The following KCNAB1 variants were observed in gnomAD, a reference collection of about 807,000 sequenced individuals.
KCNAB1 encodes potassium voltage-gated channel subfamily A regulatory beta subunit 1.
KCNAB1 carries 35 observed loss-of-function variants against 64.6 expected under a neutral mutation model. That is an observed-to-expected ratio of 0.54 (90% CI 0.41 to 0.72). KCNAB1 has a LOEUF of 0.72. Ranked by LOEUF, KCNAB1 falls within the 30% of genes least tolerant of loss-of-function variation. The pLI is 0.00. For synonymous variants in KCNAB1, 177 were observed against 183.8 expected (o/e 0.96, Z 0.30); for missense variants, 401 against 512.9 (o/e 0.78, Z 2.11).
chr3:156,191,761 C>T (rs922236029), intron 1 of KCNAB1, among the ~76,000 whole-genome samples: 4 of 152,074 alleles, frequency 2.6e-5, no homozygotes, highest in Non-Finnish European at 5.9e-5. Context: ...TTGCTTTTGC[C>T]GCATTTTTAC....
intron 1 of KCNAB1, among the ~76,000 whole-genome samples, chr3:156,403,351 A>G (rs1714033757): frequency 6.6e-6 from 1 of 152,240 alleles, no homozygotes; most frequent in Admixed American, 6.5e-5. Flanking sequence ...ACAAGCACTA[A>G]GTCTGAGATT....
At position 156,483,457 on chromosome 3, in the gene KCNAB1, C is replaced by A. The variant is rs372673960; in HGVS notation, c.658+8637C>A. 4.6e-5 allele frequency among the ~76,000 whole-genome samples: 7 copies of A among 152,190 alleles called. No homozygotes were observed. The South Asian group carries it at 1.0e-3, about 23-fold the overall frequency. On this transcript the variant is annotated intron_variant, in intron 8 of 13. Coordinates refer to ENST00000490337, the MANE Select transcript of KCNAB1 (RefSeq NM_172160.3). The stretch of plus-strand genomic sequence containing the variant: ...TATGGATATGTTGTCAATATCACCT[C>A]TTTCCATTCCTCCCTCCTATCTGTG...
chr3:156,413,627 A>G (rs965349156), intron 1 of KCNAB1, among the ~76,000 whole-genome samples: 2 of 152,218 alleles, frequency 1.3e-5, no homozygotes, highest in Non-Finnish European at 2.9e-5. Flanking sequence ...GCTGCATTTC[A>G]CCACTGCACT....
chr3:156,335,307 T>C (rs1723614171), intron 1 of KCNAB1, among the ~76,000 whole-genome samples: 1 of 152,200 alleles, frequency 6.6e-6, no homozygotes, highest in Non-Finnish European at 1.5e-5. Flanking sequence ...ACCCTCCCCT[T>C]TGCCCTCTGT....
At chr3:156,328,538 A>C (rs572414552) in intron 1 of KCNAB1, among the ~76,000 whole-genome samples, 2 of 152,284 alleles carry the variant, frequency 1.3e-5, no homozygotes, top group South Asian at 4.1e-4. Flanking sequence ...GGGTCACCCT[A>C]TCCTGTAGTT....
intron 1 of KCNAB1, among the ~76,000 whole-genome samples, chr3:156,206,576 G>A (rs2108387100): frequency 6.6e-6 from 1 of 152,302 alleles, no homozygotes; most frequent in Middle Eastern, 3.4e-3. Context: ...CTCTTCATGA[G>A]CCAAAAACAA....
intron 8 of KCNAB1, among the ~76,000 whole-genome samples, chr3:156,495,627 C>T (rs527360529): frequency 6.6e-6 from 1 of 152,316 alleles, no homozygotes; most frequent in Admixed American, 6.5e-5. Context: ...ATCCCAGCTC[C>T]ATCACTTACT....
At chr3:156,342,223 A>G (rs527526044) in intron 1 of KCNAB1, among the ~76,000 whole-genome samples, 1 of 152,300 alleles carries the variant, frequency 6.6e-6, no homozygotes, top group East Asian at 1.9e-4. Flanking sequence ...CGCCACCTCA[A>G]CCACAGGTGG....
chr3:156,395,417 C>T (rs969352489), intron 1 of KCNAB1, among the ~76,000 whole-genome samples: 2 of 147,912 alleles, frequency 1.4e-5, no homozygotes, highest in Admixed American at 1.3e-4. Flanking sequence ...TAGTGGCGGG[C>T]GCCTGTAGTC....
At chr3:156,353,055 T>C (rs1044560722) in intron 1 of KCNAB1, among the ~76,000 whole-genome samples, 2 of 152,244 alleles carry the variant, frequency 1.3e-5, no homozygotes, top group Admixed American at 1.3e-4. Context: ...CTTAGATTAT[T>C]GTAGCACATA....
intron 1 of KCNAB1, among the ~76,000 whole-genome samples, chr3:156,189,656 A>G (rs1020666694): frequency 2.0e-5 from 3 of 152,198 alleles, no homozygotes; most frequent in African/African-American, 7.2e-5. Context: ...GTGTGGTTAA[A>G]TAAATGTGGC....
intron 1 of KCNAB1, among the ~76,000 whole-genome samples, chr3:156,404,127 G>A (rs1049599489): frequency 2.6e-5 from 4 of 152,088 alleles, no homozygotes; most frequent in African/African-American, 9.7e-5. Context: ...CGTGTATATT[G>A]GAGTTTAAAG....
At chr3:156,455,713 T>A (rs73873385) in intron 3 of KCNAB1, among the ~76,000 whole-genome samples, 19,607 of 152,112 alleles carry the variant, frequency 0.13, 1,713 homozygotes, top group African/African-American at 0.25. Context: ...CGCCTCAGTC[T>A]GTGACTCCCA....
At chr3:156,155,147 C>T (rs1242300693) in intron 1 of KCNAB1, among the ~76,000 whole-genome samples, 1 of 152,152 alleles carries the variant, frequency 6.6e-6, no homozygotes, top group African/African-American at 2.4e-5. Flanking sequence ...TGTATGACCA[C>T]TAGTCAAGCC....
chr3:156,496,045 T>A (rs1715987840), intron 8 of KCNAB1, among the ~76,000 whole-genome samples: 1 of 152,080 alleles, frequency 6.6e-6, no homozygotes, highest in Non-Finnish European at 1.5e-5. Context: ...GGCAGGTGTT[T>A]CCCCTGAAGC....
At chr3:156,175,734 C>T (rs1471613036) in intron 1 of KCNAB1, 7 of 548,162 alleles carry the variant, frequency 1.3e-5, no homozygotes, top group South Asian at 1.6e-5. Context: ...ATATGGCCAC[C>T]ACCTCCTCTG....
intron 1 of KCNAB1, among the ~76,000 whole-genome samples, chr3:156,283,059 C>G (rs1719848645): frequency 6.6e-6 from 1 of 151,598 alleles, no homozygotes; most frequent in African/African-American, 2.4e-5. Context: ...TCTTCCTAGT[C>G]TTGATGGTCT....
At chr3:156,216,293 T>C (rs1419944433) in intron 1 of KCNAB1, among the ~76,000 whole-genome samples, 1 of 152,168 alleles carries the variant, frequency 6.6e-6, no homozygotes, top group Non-Finnish European at 1.5e-5. Context: ...AGGAGGTAGA[T>C]GGGAAATGAA....
At chr3:156,525,043 T>C (rs1718219202) in intron 12 of KCNAB1, among the ~76,000 whole-genome samples, 1 of 152,198 alleles carries the variant, frequency 6.6e-6, no homozygotes, top group South Asian at 2.1e-4. Flanking sequence ...CACAATCATG[T>C]ACAGTACATA....
Sources: allele counts gnomAD v4.1 joint callset (sites outside exome capture counted in the v4.1 genomes callset), GRCh38; gene constraint gnomAD v4.1.1; transcripts MANE v1.5; gene names NCBI Gene and HGNC (gene_info 2026-07-23, HGNC 2026-07-21).